SYNE1: variants seen among roughly 807,000 people sequenced by gnomAD.
SYNE1 encodes nesprin-1.
SYNE1 carries 616 observed loss-of-function variants against 1,111.0 expected under a neutral mutation model. The ratio of observed to expected loss-of-function variants is 0.55; its 90% confidence interval spans 0.52 to 0.59. The LOEUF is 0.59. Ranked by LOEUF, SYNE1 falls within the 20% of genes least tolerant of loss-of-function variation. The pLI, the probability that SYNE1 is intolerant of heterozygous loss-of-function variation, is 0.00. For missense variants in SYNE1, 10,006 were observed against 10,417.0 expected (o/e 0.96, Z 1.72); for synonymous variants, 3,855 against 3,825.8 (o/e 1.01, Z -0.28).
intron 4 of SYNE1, among the ~76,000 whole-genome samples, chr6:152,539,035 A>G (rs532313505): frequency 5.3e-5 from 8 of 152,194 alleles, no homozygotes; most frequent in Non-Finnish European, 1.0e-4. Flanking sequence ...TGCGCTATCA[A>G]AATGGCTTTG....
chr6:152,218,352 C>T lies in SYNE1; in HGVS notation c.22096G>A (p.Ala7366Thr). 1 of 1,613,952 alleles carries T rather than the reference C, an allele frequency of 6.2e-7. No individual in the cohort carries two copies. The highest frequency in any genetic ancestry group is 1.6e-4 in the Middle Eastern group (1 of 6,062). ...TFAKSLEALE[A>T]WIVEAEEILQ... is the part of the protein sequence containing the mutation. ...ATTTCTTCAGCTTCCACTATCCAGG[C>T]CTCCAAAGCTTCTAAACTCTTGGCA... The change falls in exon 121 of 146, where the codon GCC becomes ACC. Residue 7366 changes from alanine (A) to threonine (T), a missense_variant. By Grantham distance (58) the Ala-to-Thr change is moderately conservative. Transcript: ENST00000367255.
chr6:152,215,147 G>C, intron 121 of SYNE1, 87 bp from the exon 122 acceptor site: 1 of 1,470,918 alleles, frequency 6.8e-7, no homozygotes, highest in Non-Finnish European at 9.4e-7. Flanking sequence ...TCTGATTTCA[G>C]GAAGTAGCTG....
At chr6:152,620,841 G>C (rs2099673819) in intron 3 of SYNE1, among the ~76,000 whole-genome samples, 1 of 152,170 alleles carries the variant, frequency 6.6e-6, no homozygotes, top group Non-Finnish European at 1.5e-5. Flanking sequence ...CACTATGCTA[G>C]ACAATATGTA....
intron 25 of SYNE1, among the ~76,000 whole-genome samples, chr6:152,451,645 C>A (rs1206403395): frequency 1.3e-5 from 2 of 151,666 alleles, no homozygotes; most frequent in Non-Finnish European, 2.9e-5. Context: ...CCATGCCCAG[C>A]CACTTTTTGT....
At chr6:152,605,019 AGAGAGAGAGAGAGAGAGG>A (rs2099609536) in intron 3 of SYNE1, among the ~76,000 whole-genome samples, 1 of 67,534 alleles carries the variant, frequency 1.5e-5, no homozygotes, top group African/African-American at 6.9e-5. Flanking sequence ...AGAGAGAGAG[AGAGAGAGAGAGAGAGAGG>A]GAGGGAGGGA....
intron 51 of SYNE1, among the ~76,000 whole-genome samples, chr6:152,392,159 C>G (rs976665019): frequency 2.6e-5 from 4 of 152,106 alleles, no homozygotes; most frequent in Non-Finnish European, 5.9e-5. Flanking sequence ...GCCATGTATG[C>G]CGACTATCTC....
intron 62 of SYNE1, among the ~76,000 whole-genome samples, chr6:152,366,744 G>A (rs571459855): frequency 7.9e-5 from 12 of 152,334 alleles, no homozygotes; most frequent in Admixed American, 2.0e-4. Flanking sequence ...TGTCAAGACA[G>A]AGTGCCGGTC....
At position 152,385,882 on chromosome 6, in the gene SYNE1, G is replaced by C. The variant is rs777769983; in HGVS notation, c.8488-44C>G. Reference sequence around the variant, plus strand: ...ACTACCTTAACAGTGGTCCTTTTGAGAACATGAACTCAGGTAAGACAACAG... The same window carrying C: ...ACTACCTTAACAGTGGTCCTTTTGACAACATGAACTCAGGTAAGACAACAG... On this transcript the variant is annotated intron_variant, in intron 54 of 145. Transcript: ENST00000367255. 11 of 1,599,440 alleles carry C rather than the reference G, an allele frequency of 6.9e-6. No individual in the cohort carries two copies. In the South Asian group the frequency reaches 1.2e-4, roughly 18 times the overall value.
At position 152,409,192 on chromosome 6, in the gene SYNE1, T is replaced by C. The variant is rs1014104831; in HGVS notation, c.6416A>G (p.Gln2139Arg). 4.3e-6 allele frequency: 7 copies of C among 1,614,192 alleles called. No homozygotes were observed. In the African/African-American group the frequency reaches 9.3e-5, roughly 22 times the overall value. Residue 2139 changes from glutamine (Q) to arginine (R), a missense_variant, in exon 44 of 146, where the codon CAG becomes CGG. Physicochemically the swap from Gln to Arg is conservative, Grantham distance 43. This residue lies in a region of SYNE1 where 4,955 missense variants were observed against 5,017.2 expected (regional missense o/e 0.99). Coordinates refer to ENST00000367255, the MANE Select transcript of SYNE1 (RefSeq NM_182961.4). ...GCTGGTAAAGTTATCCAAGTCTTTC[T>C]GTTTGTAATTCATTTTGTTCTTGGC... ...ETAKNKMNYK[Q>R]KDLDNFTSKG...
intron 140 of SYNE1, among the ~76,000 whole-genome samples, chr6:152,137,216 G>C (rs1455701327): frequency 6.6e-6 from 1 of 152,184 alleles, no homozygotes; most frequent in African/African-American, 2.4e-5. Flanking sequence ...AGCCAGGGTA[G>C]GGGGTGCAGG....
intron 66 of SYNE1, among the ~76,000 whole-genome samples, chr6:152,355,982 A>G (rs1355228280): frequency 6.6e-6 from 1 of 152,224 alleles, no homozygotes; most frequent in East Asian, 1.9e-4. Context: ...AAGGAGAAGA[A>G]CTATAGATAT....
chr6:152,575,182 C>A lies in SYNE1; in HGVS notation c.68-35161G>T, dbSNP rs375325203. On this transcript the variant is annotated intron_variant, in intron 3 of 145. Transcript: ENST00000367255. ...CTTCAATCTGGGAATGTAATAAATG[C>A]CCTAAAGGACTATTTCAAGGAGCAA... Among the ~76,000 whole-genome samples, 52 of 152,232 alleles carry A rather than the reference C, an allele frequency of 3.4e-4. No homozygotes were observed. In the South Asian group the frequency reaches 5.4e-3, roughly 16 times the overall value.
At chr6:152,129,270 C>T (rs1268141413) in intron 145 of SYNE1, 1 of 152,388 alleles carries the variant, frequency 6.6e-6, no homozygotes, top group East Asian at 1.9e-4. Context: ...TGCATCATAA[C>T]ATAAGCGCTT....
At chr6:152,300,817 T>C in intron 92 of SYNE1, 36 bp from the exon 93 acceptor site, 2 of 1,614,106 alleles carry the variant, frequency 1.2e-6, no homozygotes, top group Non-Finnish European at 8.5e-7. Flanking sequence ...GACATGAAAA[T>C]CAATTAGCTA....
In SYNE1 at chr6:152,395,609, G is replaced by C. The variant is rs550027519; in HGVS notation, c.7619C>G (p.Thr2540Arg). The change falls in exon 51 of 146, where the codon ACG becomes AGG. Residue 2540 changes from threonine (T) to arginine (R), a missense_variant. Coordinates refer to ENST00000367255, the MANE Select transcript of SYNE1 (RefSeq NM_182961.4). ...WIHEMEERFNTENLGESKQHI... is the reference protein window; with the variant it reads ...WIHEMEERFNRENLGESKQHI... ...CTGTTTACTCTCTCCCAAGTTTTCC[G>C]TATTGAACCTTTCTTCCATTTCATG... 4 of 1,614,048 alleles carry C rather than the reference G, an allele frequency of 2.5e-6. No individual in the cohort carries two copies. The highest frequency in any genetic ancestry group is 3.4e-6 in the Non-Finnish European group (4 of 1,179,972).
chr6:152,250,253 C>CA lies in SYNE1; in HGVS notation c.19471-992dup, dbSNP rs570605263. 2.3e-3 allele frequency among the ~76,000 whole-genome samples: 323 copies of CA among 142,776 alleles called. 1 individual carries two copies. Among genetic ancestry groups the CA allele is most frequent in the African/African-American group, 3.8e-3 (148 of 39,158 alleles). The allele number at this position is 142,776 out of a possible 152,430, so 93.7% of individuals were successfully genotyped here. On this transcript the variant is annotated intron_variant, in intron 104 of 145. Transcript: ENST00000367255. ...CATGCCAGCCTGGGTGACTTTATCT[C>CA]AAAAAAAAAAAATTACCAAAAAAAT...
intron 144 of SYNE1, among the ~76,000 whole-genome samples, chr6:152,131,266 C>T (rs1482733569): frequency 6.7e-6 from 1 of 149,930 alleles, no homozygotes; most frequent in African/African-American, 2.5e-5. Context: ...TAAAATTTGA[C>T]TTGAAAAGCC....
In SYNE1 at chr6:152,242,235, T is replaced by G. The variant is rs374102244; in HGVS notation, c.19893+5A>C. The G allele has an allele frequency of 6.2e-7, 1 of 1,612,996 alleles. No homozygotes were observed. Among genetic ancestry groups the G allele is most frequent in the Middle Eastern group, 1.7e-4 (1 of 6,050 alleles). ...TTCTCTCTATCACTCTTTTTTGTTA[T>G]GTACCTTATGTTTGTCAAGTAGTTG... On this transcript the variant is annotated splice_donor_5th_base_variant and intron_variant, in intron 107 of 145. Coordinates refer to ENST00000367255, the MANE Select transcript of SYNE1 (RefSeq NM_182961.4).
intron 87 of SYNE1, chr6:152,311,110 C>T (rs2095532998): frequency 3.7e-6 from 2 of 545,398 alleles, no homozygotes; most frequent in East Asian, 3.3e-5. Context: ...TGTCATACTA[C>T]GTGTGGGACC....
Sources: allele counts gnomAD v4.1 joint callset (sites outside exome capture counted in the v4.1 genomes callset), GRCh38; gene constraint gnomAD v4.1.1; regional missense constraint gnomAD v4.1.1; transcripts MANE v1.5; gene names NCBI Gene and HGNC (gene_info 2026-07-23, HGNC 2026-07-21).